The following HOMER1 variants were observed in gnomAD, a reference collection of about 807,000 sequenced individuals.
The protein encoded by HOMER1 is homer protein homolog 1.
Under a neutral mutation model 48.9 loss-of-function variants are expected in HOMER1, and 3 were observed. The ratio of observed to expected loss-of-function variants is 0.06; its 90% CI spans 0.03 to 0.16. The LOEUF (loss-of-function observed/expected upper bound fraction) is 0.16, where lower values mean the gene tolerates loss of function less well. HOMER1 is among the 10% of genes least tolerant of loss of function. The pLI, the probability that HOMER1 is intolerant of heterozygous loss-of-function variation, is 1.00. For missense variants in HOMER1, 247 were observed against 411.4 expected (o/e 0.60, Z 3.46); for synonymous variants, 134 against 146.4 (o/e 0.92, Z 0.61).
rs999639293 is a variant in HOMER1 at position 79,506,863 on chromosome 5, T to C, written c.5+5907A>G. On this transcript the variant is annotated intron_variant, in intron 1 of 8. Transcript: ENST00000334082. Reference sequence around the variant, plus strand: ...AACCAAACAAACAAAAAAATATATATATATATGATTTTATTCACATACTGA... The same window carrying C: ...AACCAAACAAACAAAAAAATATATACATATATGATTTTATTCACATACTGA... Among the ~76,000 whole-genome samples the C allele has an allele frequency of 3.2e-4, 49 of 150,960 alleles. 1 individual carries two copies. Among genetic ancestry groups the C allele is most frequent in the Admixed American group, 7.9e-4 (12 of 15,176 alleles).
chr5:79,437,239 T>C (rs909240870), intron 5 of HOMER1, among the ~76,000 whole-genome samples: 9 of 152,204 alleles, frequency 5.9e-5, no homozygotes, highest in Non-Finnish European at 1.2e-4. Context: ...GCTACAGTAT[T>C]CCACACAGAT....
At chr5:79,423,159 G>A (rs1750150633) in intron 5 of HOMER1, among the ~76,000 whole-genome samples, 1 of 152,056 alleles carries the variant, frequency 6.6e-6, no homozygotes, top group South Asian at 2.1e-4. Flanking sequence ...TCCCAAAAAT[G>A]GCATAATTGA....
chr5:79,486,192 C>G (rs1406726865), intron 1 of HOMER1, among the ~76,000 whole-genome samples: 1 of 152,176 alleles, frequency 6.6e-6, no homozygotes, highest in Non-Finnish European at 1.5e-5. Flanking sequence ...CCACAGCCCT[C>G]AGTTAAGCCA....
At chr5:79,486,280 C>A (rs1270140678) in intron 1 of HOMER1, among the ~76,000 whole-genome samples, 3 of 152,124 alleles carry the variant, frequency 2.0e-5, no homozygotes, top group Non-Finnish European at 4.4e-5. Flanking sequence ...GTAAGCTAAA[C>A]AATTGTTTTT....
chr5:79,427,696 TTTCC>T (rs1314200489), intron 5 of HOMER1, among the ~76,000 whole-genome samples: 3 of 45,978 alleles, frequency 6.5e-5, no homozygotes, highest in Middle Eastern at 9.8e-3. Context: ...CCTTCCTTCC[TTTCC>T]TTCCTTCCTT....
chr5:79,478,518 G>T (rs536988255), intron 1 of HOMER1, among the ~76,000 whole-genome samples: 1 of 144,048 alleles, frequency 6.9e-6, no homozygotes, highest in Non-Finnish European at 1.5e-5. Context: ...GTGAAACTTC[G>T]TCTCTACTAA....
chr5:79,508,955 G>C (rs1468356272), intron 1 of HOMER1, among the ~76,000 whole-genome samples: 5 of 152,188 alleles, frequency 3.3e-5, no homozygotes, highest in Admixed American at 2.6e-4. Context: ...AACAAATGAC[G>C]AATTAAGGAC....
At chr5:79,405,325 T>C (rs1484452340) in intron 5 of HOMER1, among the ~76,000 whole-genome samples, 4 of 152,180 alleles carry the variant, frequency 2.6e-5, no homozygotes, top group African/African-American at 9.7e-5. Flanking sequence ...TCCAGAACTA[T>C]GAGAAAATAG....
At chr5:79,427,114 C>A (rs1400367086) in intron 5 of HOMER1, among the ~76,000 whole-genome samples, 2 of 152,052 alleles carry the variant, frequency 1.3e-5, no homozygotes, top group Admixed American at 1.3e-4. Context: ...AAAAACAAAT[C>A]TTCTATAATA....
chr5:79,506,806 C>T (rs1752783862), intron 1 of HOMER1, among the ~76,000 whole-genome samples: 1 of 151,950 alleles, frequency 6.6e-6, no homozygotes, highest in African/African-American at 2.4e-5. Context: ...CACTGCACTC[C>T]AGCATGGGCC....
intron 8 of HOMER1, among the ~76,000 whole-genome samples, chr5:79,391,145 T>TG (rs1343404532): frequency 1.5e-4 from 22 of 148,562 alleles, no homozygotes; most frequent in African/African-American, 4.8e-4. Context: ...TTTTTTTGTT[T>TG]TTTTTTTTTT....
intron 8 of HOMER1, among the ~76,000 whole-genome samples, chr5:79,393,238 C>G (rs76147687): frequency 0.011 from 1,727 of 152,088 alleles, 28 homozygotes; most frequent in African/African-American, 0.038. Context: ...ATCATTTCAG[C>G]TAGTGATAAG....
chr5:79,467,391 C>CAAAAAA (rs71767032), intron 1 of HOMER1, among the ~76,000 whole-genome samples: 7 of 51,602 alleles, frequency 1.4e-4, no homozygotes, highest in East Asian at 5.4e-4. Flanking sequence ...AACTCCATCT[C>CAAAAAA]AAAAAAAAAA....
intron 4 of HOMER1, 69 bp from the exon 5 acceptor site, chr5:79,439,218 GTTAAA>G: frequency 6.7e-7 from 1 of 1,490,462 alleles, no homozygotes; most frequent in Non-Finnish European, 9.2e-7. Flanking sequence ...TCATCTTGAG[GTTAAA>G]ACTGCCTTTG....
In HOMER1 at chr5:79,387,097, C is replaced by T. The variant is rs570211080; in HGVS notation, c.876+9726G>A. Among the ~76,000 whole-genome samples the T allele has an allele frequency of 1.2e-4, 17 of 146,208 alleles. No individual in the cohort carries two copies. The East Asian group carries it at 1.9e-3, about 16-fold the overall frequency. On this transcript the variant is annotated intron_variant, in intron 8 of 8. Coordinates refer to ENST00000334082, the MANE Select transcript of HOMER1 (RefSeq NM_004272.5). ...TCTATCTCTCTCTCTCTCTCTCTCT[C>T]TCTTTCTTTCACAAGGTCTCATTCT...
chr5:79,500,750 G>A (rs1363918154), intron 1 of HOMER1, among the ~76,000 whole-genome samples: 1 of 146,410 alleles, frequency 6.8e-6, no homozygotes, highest in East Asian at 2.0e-4. Flanking sequence ...TCAACTTCCT[G>A]AGAAGCTGGG....
At chr5:79,397,822 G>C (rs1437314099) in intron 6 of HOMER1, 185 bp from the exon 7 acceptor site, 1 of 406,524 alleles carries the variant, frequency 2.5e-6, no homozygotes, top group Non-Finnish European at 4.3e-6. Flanking sequence ...TAGGAAAAGG[G>C]AAAAATAATC....
intron 1 of HOMER1, among the ~76,000 whole-genome samples, chr5:79,488,876 G>A (rs1752192934): frequency 6.6e-6 from 1 of 152,182 alleles, no homozygotes; most frequent in South Asian, 2.1e-4. Flanking sequence ...CCAAGATGAG[G>A]ATGGAGCCAG....
At chr5:79,479,280 G>A (rs569160715) in intron 1 of HOMER1, among the ~76,000 whole-genome samples, 68 of 152,296 alleles carry the variant, frequency 4.5e-4, no homozygotes, top group Non-Finnish European at 7.8e-4. Flanking sequence ...GGCCCCGAAA[G>A]AAACCTAGAC....
Sources: allele counts gnomAD v4.1 joint callset (sites outside exome capture counted in the v4.1 genomes callset), GRCh38; gene constraint gnomAD v4.1.1; transcripts MANE v1.5; gene names NCBI Gene and HGNC (gene_info 2026-07-23, HGNC 2026-07-21).